HPSE2: variants seen among roughly 807,000 people sequenced by gnomAD.
HPSE2 encodes the protein inactive heparanase-2.
HPSE2 carries 38 observed loss-of-function variants against 60.5 expected under a neutral mutation model. The observed-to-expected ratio is 0.63, with a 90% CI of 0.48 to 0.82. HPSE2 has a LOEUF of 0.82. HPSE2 is among the 40% of genes least tolerant of loss of function. The pLI is 0.00. For synonymous variants in HPSE2, 295 were observed against 293.2 expected (o/e 1.01, Z -0.06); for missense variants, 713 against 740.4 (o/e 0.96, Z 0.43).
intron 9 of HPSE2, among the ~76,000 whole-genome samples, chr10:98,502,263 A>T (rs534191957): frequency 1.2e-4 from 19 of 152,202 alleles, no homozygotes; most frequent in Non-Finnish European, 2.1e-4. Flanking sequence ...AAAAAGAACA[A>T]ATTGAGAGGC....
At chr10:99,024,920 A>C (rs1408436835) in intron 3 of HPSE2, among the ~76,000 whole-genome samples, 3 of 152,168 alleles carry the variant, frequency 2.0e-5, no homozygotes, top group Non-Finnish European at 4.4e-5. Context: ...ATGCTAAAGG[A>C]AGTTCTTCAA....
the HPSE2 span, among the ~76,000 whole-genome samples, chr10:99,242,346 CTG>C: frequency 6.6e-6 from 1 of 152,182 alleles, no homozygotes; most frequent in Admixed American, 6.5e-5. Flanking sequence ...TAATTTATAA[CTG>C]TGATTGCTCC....
chr10:98,574,640 C>T (rs1219307763), intron 9 of HPSE2, among the ~76,000 whole-genome samples: 1 of 152,096 alleles, frequency 6.6e-6, no homozygotes, highest in Non-Finnish European at 1.5e-5. Context: ...GGATAAGATG[C>T]AGCCCTGAAG....
chr10:98,655,092 C>T (rs762023094), intron 6 of HPSE2, among the ~76,000 whole-genome samples: 9 of 152,128 alleles, frequency 5.9e-5, no homozygotes, highest in Non-Finnish European at 1.0e-4. Context: ...TTTTAGTGGA[C>T]CTGTGTCCCT....
chr10:98,612,943 G>T (rs774843144), intron 9 of HPSE2, among the ~76,000 whole-genome samples: 1 of 151,946 alleles, frequency 6.6e-6, no homozygotes, highest in Admixed American at 6.6e-5. Context: ...ATCATGCCCC[G>T]GTCACCCTAG....
chr10:98,922,809 T>C (rs1954321636), intron 3 of HPSE2, among the ~76,000 whole-genome samples: 1 of 152,240 alleles, frequency 6.6e-6, no homozygotes, highest in African/African-American at 2.4e-5. Context: ...CCTGGCTTTT[T>C]AACTTCTTGT....
intron 3 of HPSE2, among the ~76,000 whole-genome samples, chr10:99,137,391 T>C (rs1043485135): frequency 2.0e-5 from 3 of 152,182 alleles, no homozygotes; most frequent in African/African-American, 7.2e-5. Context: ...TGGAAAAAAC[T>C]ACTTTAAACT....
At chr10:98,626,936 G>A (rs573220147) in intron 7 of HPSE2, among the ~76,000 whole-genome samples, 1 of 152,160 alleles carries the variant, frequency 6.6e-6, no homozygotes, top group South Asian at 2.1e-4. Flanking sequence ...ACCACGCCCA[G>A]CTAATTTTTT....
At chr10:98,963,519 T>C (rs988780392) in intron 3 of HPSE2, among the ~76,000 whole-genome samples, 3 of 152,182 alleles carry the variant, frequency 2.0e-5, no homozygotes, top group African/African-American at 4.8e-5. Flanking sequence ...GTGTATTAAA[T>C]AGTGTTTCTG....
chr10:99,047,720 C>G (rs1436137666), intron 3 of HPSE2: 1 of 847,682 alleles, frequency 1.2e-6, no homozygotes, highest in African/African-American at 1.7e-5. Flanking sequence ...TTTCACAGAG[C>G]TGAAGATCAA....
the HPSE2 span, among the ~76,000 whole-genome samples, chr10:99,310,231 T>C: frequency 6.6e-6 from 1 of 152,212 alleles, no homozygotes. Context: ...TCTGCAAAGA[T>C]CTTTTTTCTA....
At chr10:98,915,773 A>C in intron 3 of HPSE2, among the ~76,000 whole-genome samples, 1 of 152,226 alleles carries the variant, frequency 6.6e-6, no homozygotes, top group East Asian at 1.9e-4. Context: ...TGGGAAAAGA[A>C]AGAGCATGCG....
At chr10:98,955,324 A>G (rs888776378) in intron 3 of HPSE2, among the ~76,000 whole-genome samples, 12 of 152,224 alleles carry the variant, frequency 7.9e-5, no homozygotes, top group African/African-American at 2.7e-4. Flanking sequence ...TCCCAAAAGT[A>G]GCCATTTATG....
the HPSE2 span, among the ~76,000 whole-genome samples, chr10:99,276,637 G>A: frequency 6.6e-6 from 1 of 151,718 alleles, no homozygotes; most frequent in Non-Finnish European, 1.5e-5. Context: ...CCCCATAACT[G>A]ATAAATAGGA....
upstream of HPSE2, among the ~76,000 whole-genome samples, chr10:99,238,106 C>A (rs910906423): frequency 6.6e-6 from 1 of 152,160 alleles, no homozygotes; most frequent in Non-Finnish European, 1.5e-5. Context: ...GCCATTAGTT[C>A]ATTTGCTATA....
intron 3 of HPSE2, among the ~76,000 whole-genome samples, chr10:99,063,694 T>A (rs1842521083): frequency 6.6e-6 from 1 of 152,234 alleles, no homozygotes; most frequent in Non-Finnish European, 1.5e-5. Flanking sequence ...GGTAAATAAA[T>A]GCCTATACAC....
intron 7 of HPSE2, among the ~76,000 whole-genome samples, chr10:98,625,014 T>A (rs1478025396): frequency 6.6e-6 from 1 of 152,248 alleles, no homozygotes; most frequent in African/African-American, 2.4e-5. Flanking sequence ...CCATTAGCTC[T>A]TTGAAGGCAG....
intron 9 of HPSE2, among the ~76,000 whole-genome samples, chr10:98,586,747 C>T (rs768399318): frequency 2.4e-4 from 37 of 152,180 alleles, no homozygotes; most frequent in Non-Finnish European, 8.8e-5. Flanking sequence ...AATTCTCCCA[C>T]GGTGGGATTC....
intron 6 of HPSE2, among the ~76,000 whole-genome samples, chr10:98,665,756 G>C (rs1430329086): frequency 1.3e-5 from 2 of 152,152 alleles, no homozygotes; most frequent in African/African-American, 2.4e-5. Context: ...GTTATTACCA[G>C]ACCAGCCTTA....
Sources: gnomAD v4.1 joint callset for allele counts (sites outside exome capture counted in the v4.1 genomes callset) on GRCh38, gnomAD v4.1.1 for gene constraint, MANE v1.5 for transcripts, NCBI Gene and HGNC (gene_info 2026-07-23, HGNC 2026-07-21) for gene names.